The following SH3RF2 variants were observed in gnomAD, a reference collection of about 807,000 sequenced individuals.
SH3RF2 encodes the protein SH3 domain containing ring finger 2.
In SH3RF2, 43 loss-of-function variants were observed where a neutral mutation model predicts 59.0. The ratio of observed to expected loss-of-function variants is 0.73; its 90% CI spans 0.57 to 0.94. SH3RF2 has a LOEUF of 0.94. SH3RF2 is among the 40% of genes least tolerant of loss of function. SH3RF2 has a pLI of 0.00. For synonymous variants in SH3RF2, 391 were observed against 391.5 expected, an observed-to-expected ratio of 1.00 and a Z score of 0.01; for missense variants, 930 against 940.1, an observed-to-expected ratio of 0.99 and a Z score of 0.14.
intron 2 of SH3RF2, among the ~76,000 whole-genome samples, chr5:145,969,934 C>A (rs1046940890): frequency 1.3e-5 from 2 of 152,002 alleles, no homozygotes; most frequent in Admixed American, 1.3e-4. Flanking sequence ...TTTCCCTGGG[C>A]TCTGCATTAT....
At chr5:146,020,241 C>T (rs184984595) in intron 5 of SH3RF2, among the ~76,000 whole-genome samples, 9 of 152,298 alleles carry the variant, frequency 5.9e-5, no homozygotes, top group African/African-American at 1.7e-4. Context: ...ATTCTAGACT[C>T]TCCATGATCT....
chr5:145,986,007 A>G (rs1759689165), intron 2 of SH3RF2, among the ~76,000 whole-genome samples: 1 of 50,476 alleles, frequency 2.0e-5, no homozygotes, highest in Non-Finnish European at 3.6e-5. Context: ...TGTCTCAAAT[A>G]AATAAATAAA....
intron 2 of SH3RF2, among the ~76,000 whole-genome samples, chr5:145,977,866 G>A (rs1002749167): frequency 8.5e-5 from 13 of 152,186 alleles, no homozygotes; most frequent in Admixed American, 7.9e-4. Flanking sequence ...GCACACACAG[G>A]CACTCAGTAA....
At chr5:146,077,162 C>A (rs774915461) in intron 9 of SH3RF2, among the ~76,000 whole-genome samples, 1 of 152,126 alleles carries the variant, frequency 6.6e-6, no homozygotes, top group African/African-American at 2.4e-5. Flanking sequence ...GATCGAACTT[C>A]TGTTATGTGC....
At chr5:146,059,336 C>A (rs572130773) in intron 8 of SH3RF2, among the ~76,000 whole-genome samples, 1 of 152,060 alleles carries the variant, frequency 6.6e-6, no homozygotes, top group South Asian at 2.1e-4. Flanking sequence ...CTGCCACATG[C>A]CTAAAGCTTC....
chr5:146,020,146 T>C (rs1761259437), intron 5 of SH3RF2, among the ~76,000 whole-genome samples: 1 of 152,132 alleles, frequency 6.6e-6, no homozygotes, highest in Non-Finnish European at 1.5e-5. Context: ...ATTAAGTAAT[T>C]TGCACAATGT....
At chr5:145,942,788 A>G (rs1431470391) in intron 2 of SH3RF2, among the ~76,000 whole-genome samples, 1 of 152,172 alleles carries the variant, frequency 6.6e-6, no homozygotes, top group Non-Finnish European at 1.5e-5. Flanking sequence ...TAATAACCAC[A>G]TGGCCCCACA....
chr5:145,980,802 A>C (rs1356326746), intron 2 of SH3RF2, among the ~76,000 whole-genome samples: 1 of 152,204 alleles, frequency 6.6e-6, no homozygotes, highest in Non-Finnish European at 1.5e-5. Context: ...ATTTCTAAAT[A>C]TAAAAATAGA....
rs367562446 is a variant in SH3RF2, at chr5:146,000,114, G to A, written c.435G>A (p.Arg145=). ...GAGGGCAGAATCCCGGTGACCTAAGGTTTAATAAGGGAGATATCATCCTTC... is the reference window on the plus strand; with the variant it reads ...GAGGGCAGAATCCCGGTGACCTAAGATTTAATAAGGGAGATATCATCCTTC... ...NYRGQNPGDL[R]FNKGDIILLR... is the part of the protein sequence containing the mutation. Residue 145 remains arginine (R), a synonymous_variant, in exon 3 of 10, where the codon AGG becomes AGA. Coordinates refer to ENST00000359120, the MANE Select transcript of SH3RF2 (RefSeq NM_152550.4). The A allele has an allele frequency of 2.0e-5, 33 of 1,613,660 alleles. No individual in the cohort carries two copies. Among genetic ancestry groups the A allele is most frequent in the Non-Finnish European group, 2.6e-5 (31 of 1,179,836 alleles).
rs191081285 is a variant in SH3RF2 at position 146,063,049 on chromosome 5, G to T, written c.*348G>T. The stretch of plus-strand genomic sequence containing the variant: ...AGAATTTCTATGGTGTCCTAAAGGG[G>T]GCTGCAGCAGGGGTGTGACAACGGT... On this transcript the variant is annotated 3_prime_UTR_variant, in exon 10 of 10. Coordinates refer to ENST00000359120, the MANE Select transcript of SH3RF2 (RefSeq NM_152550.4). 181 of 257,162 alleles carry T rather than the reference G, an allele frequency of 7.0e-4. No individual in the cohort carries two copies. The highest frequency in any genetic ancestry group is 6.3e-3 in the Middle Eastern group (5 of 794). The allele number at this position is 257,162 out of a possible 1,614,324, so 15.9% of individuals were successfully genotyped here. A position where few individuals can be genotyped will look rare whatever the true frequency, so the allele number is the denominator to read the frequency against.
rs779917700 is a variant in SH3RF2, at chr5:145,937,904, G to T, written c.-25G>T. 16 of 1,595,098 alleles carry T rather than the reference G, an allele frequency of 1.0e-5. No individual in the cohort carries two copies. The highest frequency in any genetic ancestry group is 1.0e-5 in the Non-Finnish European group (12 of 1,170,020). ...TACCATGTGGACGCTGCTCCTCCAG[G>T]TGGGAACTGGAGTTTTGAAATAAAA... On this transcript the variant is annotated 5_prime_UTR_variant, in exon 2 of 10. Coordinates refer to ENST00000359120, the MANE Select transcript of SH3RF2 (RefSeq NM_152550.4).
intron 1 of SH3RF2, among the ~76,000 whole-genome samples, chr5:145,937,541 G>C (rs1442289124): frequency 6.6e-6 from 1 of 152,172 alleles, no homozygotes; most frequent in Non-Finnish European, 1.5e-5. Context: ...CTGGTAGAGA[G>C]GGGTTGGGGG....
intron 3 of SH3RF2, among the ~76,000 whole-genome samples, 190 bp from the exon 4 acceptor site, chr5:146,003,868 T>A (rs1760527063): frequency 6.6e-6 from 1 of 152,222 alleles, no homozygotes; most frequent in Non-Finnish European, 1.5e-5. Context: ...TACCCCTCTA[T>A]GGTCTCAGTG....
At chr5:146,024,824 G>T (rs1271272557) in intron 5 of SH3RF2, among the ~76,000 whole-genome samples, 1 of 151,966 alleles carries the variant, frequency 6.6e-6, no homozygotes, top group Admixed American at 6.6e-5. Context: ...TTCCCATTTT[G>T]TTATATTTAC....
chr5:146,037,892 T>A (rs1369418923), intron 5 of SH3RF2, among the ~76,000 whole-genome samples: 1 of 152,206 alleles, frequency 6.6e-6, no homozygotes. Context: ...AAAAGTATAG[T>A]TCTGCTTCAC....
At chr5:146,042,909 C>T (rs1241801201) in intron 5 of SH3RF2, 1 of 152,328 alleles carries the variant, frequency 6.6e-6, no homozygotes, top group East Asian at 1.9e-4. Context: ...GGACTCGGAA[C>T]CCTGTGCCAG....
intron 9 of SH3RF2, among the ~76,000 whole-genome samples, chr5:146,073,232 G>C (rs1763273173): frequency 6.6e-6 from 1 of 152,210 alleles, no homozygotes; most frequent in South Asian, 2.1e-4. Context: ...ATCCTCGTCA[G>C]TCTTTTCTCA....
chr5:146,038,509 C>A (rs1182052377), intron 5 of SH3RF2, among the ~76,000 whole-genome samples: 1 of 152,138 alleles, frequency 6.6e-6, no homozygotes, highest in Non-Finnish European at 1.5e-5. Context: ...ATAAGAAAGT[C>A]AAGTTCATCT....
At chr5:145,963,406 A>G (rs577417735) in intron 2 of SH3RF2, among the ~76,000 whole-genome samples, 22 of 152,314 alleles carry the variant, frequency 1.4e-4, no homozygotes, top group African/African-American at 5.3e-4. Flanking sequence ...GTTCAAGATC[A>G]GCCTGGGCAA....
Sources: allele counts gnomAD v4.1 joint callset (sites outside exome capture counted in the v4.1 genomes callset), GRCh38; gene constraint gnomAD v4.1.1; transcripts MANE v1.5; gene names NCBI Gene and HGNC (gene_info 2026-07-23, HGNC 2026-07-21).